Variants in PARP11 observed in about 807,000 individuals in gnomAD.
PARP11 encodes poly(ADP-ribose) polymerase family member 11.
Under a neutral mutation model 42.9 loss-of-function variants are expected in PARP11, and 31 were observed. That is an observed-to-expected ratio of 0.72 (90% confidence interval 0.54 to 0.98). PARP11 has a LOEUF of 0.98. PARP11 is among the 50% of genes least tolerant of loss of function. The probability of loss-of-function intolerance (pLI) is 0.00; values close to 1 mark genes in which losing one functional copy is unlikely to be tolerated. For synonymous variants in PARP11, 137 were observed against 127.3 expected, an observed-to-expected ratio of 1.08 and a Z score of -0.51; for missense variants, 365 against 413.1, an observed-to-expected ratio of 0.88 and a Z score of 1.01.
chr12:3,840,831 A>G lies in PARP11; in HGVS notation c.19-10813T>C. On this transcript the variant is annotated intron_variant, in intron 1 of 7. Transcript: ENST00000228820. The surrounding 1 kb of genome is among the most constrained non-coding windows in gnomAD (Gnocchi z 4.4). ...CATCACCATCAAAGTCAAAGAAGTT[A>G]GAGTGCCCTTCTCCTGCAGAACAAA... The G allele has an allele frequency of 6.3e-7, 1 of 1,595,228 alleles. No homozygotes were observed. The highest frequency in any genetic ancestry group is 2.2e-5 in the East Asian group (1 of 44,804).
In PARP11 at chr12:3,851,341, T is replaced by G. The variant is rs138064935; in HGVS notation, c.19-21323A>C. ...CCAGGAAGCACAAGGGATTGGGGGATTTCCCTTTCCTAGCCAAGGGAAGCC... is the reference window on the plus strand; with the variant it reads ...CCAGGAAGCACAAGGGATTGGGGGAGTTCCCTTTCCTAGCCAAGGGAAGCC... On this transcript the variant is annotated intron_variant, in intron 1 of 7. Coordinates refer to ENST00000228820, the MANE Select transcript of PARP11 (RefSeq NM_020367.6). 5.8e-3 allele frequency among the ~76,000 whole-genome samples: 885 copies of G among 152,192 alleles called. 17 individuals carry two copies. The highest frequency in any genetic ancestry group is 0.02 in the African/African-American group (824 of 41,520).
At chr12:3,827,496 A>G (rs997219795) in intron 3 of PARP11, among the ~76,000 whole-genome samples, 2 of 152,104 alleles carry the variant, frequency 1.3e-5, no homozygotes, top group African/African-American at 2.4e-5. Context: ...TTCTTCCTCA[A>G]AAATACTTGT....
intron 1 of PARP11, among the ~76,000 whole-genome samples, chr12:3,866,595 A>AT (rs910054361): frequency 3.3e-4 from 50 of 152,340 alleles, no homozygotes; most frequent in African/African-American, 1.2e-3. Context: ...TGATACATTC[A>AT]TATCAGCCAT....
chr12:3,829,153 T>G (rs909794784), intron 2 of PARP11, 123 bp from the exon 3 acceptor site: 53 of 955,398 alleles, frequency 5.5e-5, no homozygotes, highest in Non-Finnish European at 1.9e-5. Flanking sequence ...TAATCACCTG[T>G]TCTAGTTCCC....
intron 4 of PARP11, among the ~76,000 whole-genome samples, chr12:3,822,598 CAAA>C (rs36089402): frequency 4.3e-5 from 4 of 93,268 alleles, no homozygotes; most frequent in Non-Finnish European, 5.0e-5. Flanking sequence ...GACTCCGTCT[CAAA>C]AAAAAAAAAA....
chr12:3,846,433 T>C (rs769508712), intron 1 of PARP11, among the ~76,000 whole-genome samples: 1 of 152,122 alleles, frequency 6.6e-6, no homozygotes, highest in African/African-American at 2.4e-5. Context: ...CCTGGACATA[T>C]AGAATCTACT....
chr12:3,848,156 T>C (rs747727487), intron 1 of PARP11, among the ~76,000 whole-genome samples: 12 of 152,008 alleles, frequency 7.9e-5, no homozygotes, highest in Non-Finnish European at 1.6e-4. Context: ...TGAAAGAAAT[T>C]AAAGACATAA....
intron 1 of PARP11, among the ~76,000 whole-genome samples, chr12:3,851,667 C>T (rs1362948044): frequency 2.0e-5 from 3 of 152,180 alleles, no homozygotes; most frequent in African/African-American, 7.2e-5. Context: ...CTGTAGACTC[C>T]ACCTCTGGGG....
rs1947151359 is a variant in PARP11 at position 3,810,642 on chromosome 12, G to GGAGGGAGA, written c.*1480_*1481insTCTCCCTC. The GGAGGGAGA allele has an allele frequency of 9.3e-6, 1 of 107,998 alleles. No individual in the cohort carries two copies. The highest frequency in any genetic ancestry group is 9.2e-5 in the Admixed American group (1 of 10,858). The allele number at this position is 107,998 out of a possible 1,614,324, so 6.7% of individuals were successfully genotyped here. On this transcript the variant is annotated 3_prime_UTR_variant, in exon 8 of 8. Transcript: ENST00000228820. The stretch of plus-strand genomic sequence containing the variant: ...AGGGAGGAGGGAGGGAGGGAGGGAG[G>GGAGGGAGA]GAAAGAAGGAAGGAAGGAAGGAAGG...
chr12:3,841,505 G>A, intron 1 of PARP11: 1 of 1,548,250 alleles, frequency 6.5e-7, no homozygotes, highest in Non-Finnish European at 8.9e-7. Flanking sequence ...AGTGTTAATG[G>A]TCAAATGCTA....
chr12:3,870,711 C>A (rs1258179842), intron 1 of PARP11, among the ~76,000 whole-genome samples: 5 of 152,104 alleles, frequency 3.3e-5, no homozygotes, highest in African/African-American at 4.8e-5. Flanking sequence ...CAGAGAAAAA[C>A]CCCTGTCCTT....
chr12:3,835,004 G>A (rs1369482161), intron 1 of PARP11, among the ~76,000 whole-genome samples: 1 of 152,144 alleles, frequency 6.6e-6, no homozygotes, highest in Non-Finnish European at 1.5e-5. Context: ...TTCCTATGAA[G>A]CCAGGGTTAA....
At chr12:3,813,012 C>T (rs1947215779) in intron 7 of PARP11, among the ~76,000 whole-genome samples, 1 of 152,104 alleles carries the variant, frequency 6.6e-6, no homozygotes, top group Non-Finnish European at 1.5e-5. Context: ...ACCATGTTGG[C>T]CAGGCTGATC....
At chr12:3,842,521 T>C (rs530865536) in intron 1 of PARP11, 12 of 1,561,938 alleles carry the variant, frequency 7.7e-6, no homozygotes, top group South Asian at 4.5e-5. Context: ...CGCTTGACGG[T>C]TGTTGCCGAA....
At chr12:3,835,897 G>A (rs1947751222) in intron 1 of PARP11, among the ~76,000 whole-genome samples, 2 of 152,102 alleles carry the variant, frequency 1.3e-5, no homozygotes, top group African/African-American at 4.8e-5. Context: ...TTAGAGAAAT[G>A]TGGGATACCA....
At position 3,826,232 on chromosome 12, in the gene PARP11, T is replaced by C; in HGVS notation, c.270A>G (p.Glu90=). 6.3e-7 allele frequency: 1 copy of C among 1,584,924 alleles called. No homozygotes were observed. The highest frequency in any genetic ancestry group is 8.5e-7 in the Non-Finnish European group (1 of 1,170,568). The change falls in exon 4 of 8, where the codon GAA becomes GAG. Residue 90 remains glutamate (E), a splice_region_variant and synonymous_variant. Transcript: ENST00000228820. ...CAGTGGTGAGATTCATTTGCTTCAT[T>C]TCTGTATACAAAGACAAGATATTAG... ...SKFSYKIDFA[E]MKQMNLTTGK...
intron 4 of PARP11, among the ~76,000 whole-genome samples, chr12:3,822,508 A>C (rs1027351768): frequency 2.7e-5 from 4 of 148,110 alleles, no homozygotes; most frequent in African/African-American, 1.0e-4. Flanking sequence ...CTGAGGCAGG[A>C]GAATGGCGTG....
At chr12:3,841,553 T>C in intron 1 of PARP11, 2 of 1,604,730 alleles carry the variant, frequency 1.2e-6, no homozygotes, top group Non-Finnish European at 1.7e-6. Flanking sequence ...TCTTCACCTC[T>C]GGTTATCCCT....
intron 7 of PARP11, among the ~76,000 whole-genome samples, chr12:3,813,273 C>G (rs1253640889): frequency 6.6e-6 from 1 of 152,198 alleles, no homozygotes; most frequent in African/African-American, 2.4e-5. Flanking sequence ...TATGGGATAA[C>G]AATTCAGTAA....
Sources: gnomAD v4.1 joint callset for allele counts (sites outside exome capture counted in the v4.1 genomes callset) on GRCh38, gnomAD v4.1.1 for gene constraint, Gnocchi (gnomAD v3.1) non-coding constraint, MANE v1.5 for transcripts, NCBI Gene and HGNC (gene_info 2026-07-23, HGNC 2026-07-21) for gene names.